Variants in GALNTL6 observed in about 807,000 individuals in gnomAD.
GALNTL6 encodes polypeptide N-acetylgalactosaminyltransferase like 6, also known as polypeptide N-acetylgalactosaminyltransferase-like 6.
Under a neutral mutation model 73.7 loss-of-function variants are expected in GALNTL6, and 46 were observed. The observed-to-expected ratio is 0.62, with a 90% CI of 0.49 to 0.80. The LOEUF (loss-of-function observed/expected upper bound fraction) is 0.80. Ranked by LOEUF, GALNTL6 falls within the 30% of genes least tolerant of loss-of-function variation. The pLI is 0.00. For missense variants in GALNTL6, 604 were observed against 755.0 expected (o/e 0.80, Z 2.34); for synonymous variants, 259 against 263.7 (o/e 0.98, Z 0.17).
chr4:172,940,962 C>T (rs1354817790), intron 9 of GALNTL6, among the ~76,000 whole-genome samples: 1 of 152,186 alleles, frequency 6.6e-6, no homozygotes, highest in Non-Finnish European at 1.5e-5. Context: ...AGGCATAAGC[C>T]ACCATGTACA....
intron 3 of GALNTL6, among the ~76,000 whole-genome samples, chr4:172,247,153 G>A (rs1405418022): frequency 2.6e-5 from 4 of 151,942 alleles, no homozygotes; most frequent in Non-Finnish European, 1.5e-5. Context: ...GAGCCCCTTG[G>A]AAGTCACATA....
At chr4:171,989,859 G>A (rs370098728) in intron 2 of GALNTL6, among the ~76,000 whole-genome samples, 7 of 152,188 alleles carry the variant, frequency 4.6e-5, no homozygotes, top group Non-Finnish European at 8.8e-5. Flanking sequence ...ACTGGGCTGG[G>A]TTTTTCATAT....
chr4:172,206,307 G>A (rs979928003), intron 2 of GALNTL6, among the ~76,000 whole-genome samples: 31 of 152,050 alleles, frequency 2.0e-4, no homozygotes, highest in Admixed American at 1.7e-3. Context: ...GTGGATACAG[G>A]GAGATAGTAG....
At chr4:173,007,317 GT>G (rs1238475498) in intron 10 of GALNTL6, among the ~76,000 whole-genome samples, 5 of 152,106 alleles carry the variant, frequency 3.3e-5, no homozygotes, top group Non-Finnish European at 7.4e-5. Flanking sequence ...GCCCATCCTG[GT>G]TTTGTTTCCA....
intron 12 of GALNTL6, among the ~76,000 whole-genome samples, chr4:173,037,557 C>A (rs1040837382): frequency 6.6e-6 from 1 of 152,098 alleles, no homozygotes; most frequent in African/African-American, 2.4e-5. Context: ...GTTGATGGTT[C>A]AGAAAATAAT....
intron 2 of GALNTL6, among the ~76,000 whole-genome samples, chr4:171,855,957 CTTATTG>C (rs1040236643): frequency 6.6e-6 from 1 of 152,064 alleles, no homozygotes; most frequent in Admixed American, 6.5e-5. Flanking sequence ...ATTGAATTTT[CTTATTG>C]TTGAGTTTTA....
chr4:173,013,748 G>A (rs1299423762), intron 11 of GALNTL6, among the ~76,000 whole-genome samples: 3 of 152,114 alleles, frequency 2.0e-5, no homozygotes, highest in Non-Finnish European at 2.9e-5. Flanking sequence ...GCTACAGTAG[G>A]ATTAAATAAG....
intron 5 of GALNTL6, chr4:172,668,369 T>G (rs1252896133): frequency 1.1e-4 from 17 of 152,200 alleles, no homozygotes; most frequent in Admixed American, 1.1e-3. Context: ...CACTGAAGTC[T>G]CAAATCGTTT....
chr4:172,782,737 C>G (rs1238036016), intron 5 of GALNTL6, among the ~76,000 whole-genome samples: 1 of 152,046 alleles, frequency 6.6e-6, no homozygotes, highest in Non-Finnish European at 1.5e-5. Flanking sequence ...AGCCTTCACA[C>G]TAGTGCATTC....
Position 171,930,384 on chromosome 4 carries a change from C to G in GALNTL6, c.138+115666C>G, listed in dbSNP as rs76216614. Among the ~76,000 whole-genome samples, 594 of 152,308 alleles carry G rather than the reference C, an allele frequency of 3.9e-3. 8 individuals are homozygous for G. Among genetic ancestry groups the G allele is most frequent in the African/African-American group, 0.013 (552 of 41,588 alleles). ...AGTCCACCCAGAACCACAGCCTATGCGCCACACTCAACAAACACCCTAGGA... is the reference window on the plus strand; with the variant it reads ...AGTCCACCCAGAACCACAGCCTATGGGCCACACTCAACAAACACCCTAGGA... On this transcript the variant is annotated intron_variant, in intron 2 of 12. Coordinates refer to ENST00000506823, the MANE Select transcript of GALNTL6 (RefSeq NM_001034845.3).
At chr4:172,386,002 A>G (rs975850456) in intron 5 of GALNTL6, among the ~76,000 whole-genome samples, 2 of 152,122 alleles carry the variant, frequency 1.3e-5, no homozygotes, top group South Asian at 2.1e-4. Flanking sequence ...ACTAAAGTCA[A>G]TATTATACAA....
At chr4:172,388,214 C>G (rs1743539822) in intron 5 of GALNTL6, among the ~76,000 whole-genome samples, 1 of 152,124 alleles carries the variant, frequency 6.6e-6, no homozygotes, top group South Asian at 2.1e-4. Flanking sequence ...CCACTTGGCT[C>G]TAAGACTTGT....
intron 3 of GALNTL6, among the ~76,000 whole-genome samples, chr4:172,293,066 A>G (rs1477991299): frequency 6.6e-6 from 1 of 152,188 alleles, no homozygotes; most frequent in East Asian, 1.9e-4. Context: ...AAAATTACAT[A>G]TCACTTATAC....
At chr4:172,448,383 T>A (rs2111415795) in intron 5 of GALNTL6, among the ~76,000 whole-genome samples, 1 of 152,304 alleles carries the variant, frequency 6.6e-6, no homozygotes, top group South Asian at 2.1e-4. Context: ...TCTCTAAGAT[T>A]TCTTTAGAAG....
chr4:172,010,125 T>C (rs930254036), intron 2 of GALNTL6, among the ~76,000 whole-genome samples: 3 of 152,088 alleles, frequency 2.0e-5, no homozygotes, highest in Non-Finnish European at 2.9e-5. Flanking sequence ...AAATGGCAAT[T>C]TTATTGCTCC....
chr4:171,846,848 A>T (rs1361680131), intron 2 of GALNTL6, among the ~76,000 whole-genome samples: 2 of 147,176 alleles, frequency 1.4e-5, no homozygotes, highest in Non-Finnish European at 3.0e-5. Context: ...AAATATATTT[A>T]TATATAATAT....
At chr4:171,868,846 A>C (rs2110890964) in intron 2 of GALNTL6, among the ~76,000 whole-genome samples, 1 of 152,026 alleles carries the variant, frequency 6.6e-6, no homozygotes, top group African/African-American at 2.4e-5. Context: ...CACCTGGCTA[A>C]GTTTTTGTAT....
chr4:172,249,057 G>T (rs1036583054), intron 3 of GALNTL6, among the ~76,000 whole-genome samples: 2 of 152,214 alleles, frequency 1.3e-5, no homozygotes, highest in African/African-American at 4.8e-5. Context: ...GTAATAGGCA[G>T]AGGTTGGAAC....
At chr4:172,718,496 G>A (rs894232588) in intron 5 of GALNTL6, among the ~76,000 whole-genome samples, 1 of 151,992 alleles carries the variant, frequency 6.6e-6, no homozygotes, top group Non-Finnish European at 1.5e-5. Context: ...ATATGAGCCA[G>A]GTATGGTGGT....
Sources: gnomAD v4.1 joint callset for allele counts (sites outside exome capture counted in the v4.1 genomes callset) on GRCh38, gnomAD v4.1.1 for gene constraint, MANE v1.5 for transcripts, NCBI Gene and HGNC (gene_info 2026-07-23, HGNC 2026-07-21) for gene names.